Variants in SGCG observed in about 807,000 individuals in gnomAD.
SGCG encodes sarcoglycan gamma, also known as gamma-sarcoglycan.
SGCG carries 26 observed loss-of-function variants against 29.3 expected under a neutral mutation model. The ratio of observed to expected loss-of-function variants is 0.89; its 90% CI spans 0.65 to 1.23. The LOEUF is 1.23. Among genes scored for constraint, SGCG ranks in the 50% most tolerant of loss-of-function variants. The probability of loss-of-function intolerance (pLI) is 0.00; values close to 1 mark genes in which losing one functional copy is unlikely to be tolerated. For missense variants in SGCG, 353 were observed against 356.0 expected (o/e 0.99, Z 0.07); for synonymous variants, 145 against 129.7 (o/e 1.12, Z -0.80).
intron 2 of SGCG, among the ~76,000 whole-genome samples, chr13:23,206,263 C>G (rs1013811453): frequency 6.6e-6 from 1 of 152,160 alleles, no homozygotes; most frequent in Non-Finnish European, 1.5e-5. Flanking sequence ...CAGCAGCTCT[C>G]TGGAACTTAC....
chr13:23,209,188 T>C (rs1162829049), intron 2 of SGCG, among the ~76,000 whole-genome samples: 1 of 152,130 alleles, frequency 6.6e-6, no homozygotes, highest in African/African-American at 2.4e-5. Flanking sequence ...AAATACTTCG[T>C]TGATAAGTAT....
chr13:23,213,864 C>A (rs1037317153), intron 2 of SGCG, among the ~76,000 whole-genome samples: 1 of 152,136 alleles, frequency 6.6e-6, no homozygotes, highest in Non-Finnish European at 1.5e-5. Context: ...CGAGGCTCAG[C>A]CTAGGGGTGG....
chr13:23,167,478 C>T, the SGCG span, among the ~76,000 whole-genome samples: 3 of 152,306 alleles, frequency 2.0e-5, no homozygotes, highest in South Asian at 6.2e-4. Flanking sequence ...TTTCTCCAAA[C>T]TGTTGTCCAT....
rs9552870 is a variant in SGCG at position 23,191,004 on chromosome 13, A to G, written c.-1+9929A>G. Among the ~76,000 whole-genome samples, 432 of 152,320 alleles carry G rather than the reference A, an allele frequency of 2.8e-3. 5 individuals carry two copies. Among genetic ancestry groups the G allele is most frequent in the East Asian group, 0.027 (140 of 5,188 alleles). On this transcript the variant is annotated intron_variant, in intron 1 of 7. Transcript: ENST00000218867. The stretch of plus-strand genomic sequence containing the variant: ...GCCACATGTTTGCAGGTACTTTCTG[A>G]GTAATTTGCAAATATTTTCTGGATA...
chr13:23,219,446 GT>G (rs1440669614), intron 2 of SGCG, among the ~76,000 whole-genome samples: 2 of 152,130 alleles, frequency 1.3e-5, no homozygotes, highest in Non-Finnish European at 2.9e-5. Flanking sequence ...CAGAAAACAA[GT>G]TTTCCAGCAA....
intron 1 of SGCG, among the ~76,000 whole-genome samples, chr13:23,190,375 G>A (rs1877194989): frequency 1.3e-5 from 2 of 152,112 alleles, no homozygotes; most frequent in South Asian, 2.1e-4. Flanking sequence ...TATTAAGATT[G>A]CCTGGATTCC....
intron 3 of SGCG, among the ~76,000 whole-genome samples, chr13:23,234,947 C>T (rs1046500999): frequency 2.0e-5 from 3 of 152,016 alleles, no homozygotes. Flanking sequence ...GTAGTTTAGA[C>T]CATAATAAAC....
At chr13:23,282,513 T>C (rs890223287) in intron 5 of SGCG, among the ~76,000 whole-genome samples, 1 of 152,172 alleles carries the variant, frequency 6.6e-6, no homozygotes, top group African/African-American at 2.4e-5. Flanking sequence ...CCTCAGTGTG[T>C]GTTGTTCTCC....
intron 5 of SGCG, among the ~76,000 whole-genome samples, chr13:23,291,125 A>C (rs755527949): frequency 1.3e-5 from 2 of 152,226 alleles, no homozygotes; most frequent in Non-Finnish European, 2.9e-5. Flanking sequence ...ACCATTTACC[A>C]TGTCTAATCT....
the SGCG span, among the ~76,000 whole-genome samples, chr13:23,167,260 A>G: frequency 6.6e-6 from 1 of 152,156 alleles, no homozygotes; most frequent in Non-Finnish European, 1.5e-5. Flanking sequence ...ATAGTACTCC[A>G]TTGTGTACAT....
intron 6 of SGCG, among the ~76,000 whole-genome samples, chr13:23,303,464 C>G (rs530477090): frequency 1.1e-4 from 17 of 152,336 alleles, no homozygotes; most frequent in African/African-American, 4.1e-4. Flanking sequence ...CAGGCATGTT[C>G]AGAATCAGGG....
intron 1 of SGCG, among the ~76,000 whole-genome samples, chr13:23,192,364 T>C (rs1003924210): frequency 1.3e-5 from 2 of 152,014 alleles, no homozygotes; most frequent in Admixed American, 6.6e-5. Context: ...ATTTATTTTA[T>C]TTTATTTATT....
intron 3 of SGCG, among the ~76,000 whole-genome samples, chr13:23,243,108 C>G (rs373298770): frequency 1.2e-4 from 18 of 152,190 alleles, no homozygotes; most frequent in African/African-American, 4.3e-4. Flanking sequence ...AATATAGATA[C>G]AGAGTCAATT....
At chr13:23,313,924 A>G (rs932842087) in intron 6 of SGCG, among the ~76,000 whole-genome samples, 2 of 152,110 alleles carry the variant, frequency 1.3e-5, no homozygotes, top group African/African-American at 2.4e-5. Flanking sequence ...AAAATGTGAA[A>G]AGGTGAGACT....
intron 4 of SGCG, among the ~76,000 whole-genome samples, chr13:23,252,854 A>G (rs73436847): frequency 1.8e-3 from 277 of 152,280 alleles, no homozygotes; most frequent in African/African-American, 6.2e-3. Context: ...CTGAAGGACT[A>G]AAAAGCAGAT....
intron 1 of SGCG, among the ~76,000 whole-genome samples, chr13:23,187,592 G>T (rs1466714539): frequency 6.6e-6 from 1 of 152,202 alleles, no homozygotes; most frequent in Non-Finnish European, 1.5e-5. Flanking sequence ...CTCCCTGGAA[G>T]GCTGGCCATA....
chr13:23,236,114 G>A (rs1879298767), intron 3 of SGCG, among the ~76,000 whole-genome samples: 1 of 152,150 alleles, frequency 6.6e-6, no homozygotes, highest in Non-Finnish European at 1.5e-5. Flanking sequence ...GATTCTGTGA[G>A]GCTTACCCTT....
At chr13:23,319,303 A>AT (rs1197015990) in intron 6 of SGCG, among the ~76,000 whole-genome samples, 1 of 151,662 alleles carries the variant, frequency 6.6e-6, no homozygotes, top group Non-Finnish European at 1.5e-5. Context: ...CCGTCTCAAA[A>AT]AAAAAAAAAA....
intron 6 of SGCG, 23 bp downstream of exon 6, chr13:23,295,510 T>C: frequency 2.0e-6 from 3 of 1,504,102 alleles, no homozygotes; most frequent in Non-Finnish European, 2.8e-6. Flanking sequence ...GTTCAAATAT[T>C]AACAACCTCT....
Sources: gnomAD v4.1 joint callset for allele counts (sites outside exome capture counted in the v4.1 genomes callset) on GRCh38, gnomAD v4.1.1 for gene constraint, MANE v1.5 for transcripts, NCBI Gene and HGNC (gene_info 2026-07-23, HGNC 2026-07-21) for gene names.